The following DIP2C variants were observed in gnomAD, a reference collection of about 807,000 sequenced individuals.
DIP2C encodes DIP2 acetate--CoA ligase C (putative).
A neutral mutation model predicts 192.4 loss-of-function variants in DIP2C; 33 were observed. The observed-to-expected ratio is 0.17, with a 90% CI of 0.13 to 0.23. The LOEUF (loss-of-function observed/expected upper bound fraction) is 0.23, where lower values mean the gene tolerates loss of function less well. Ranked by LOEUF, DIP2C falls within the 10% of genes least tolerant of loss-of-function variation. DIP2C has a pLI of 1.00. For synonymous variants in DIP2C, 979 were observed against 864.1 expected, an observed-to-expected ratio of 1.13 and a Z score of -2.33; for missense variants, 1,537 against 2,110.1, an observed-to-expected ratio of 0.73 and a Z score of 5.32.
chr10:364,569 G>A lies in DIP2C; in HGVS notation c.2282C>T (p.Thr761Ile), dbSNP rs754610292. 6 of 1,613,726 alleles carry A rather than the reference G, an allele frequency of 3.7e-6. No homozygotes were observed. The Admixed American group carries it at 5.0e-5, about 13-fold the overall frequency. The stretch of plus-strand genomic sequence containing the variant: ...TTCACTGATCGGAGCCCCGGAGCTT[G>A]TCATGGGAAACACCTGGGGGAAACA... ...TKNTFEVFPM[T>I]SSGAPISEYP... The change falls in exon 20 of 37, where the codon ACA (threonine) becomes ATA (isoleucine). Residue 761 changes from threonine to isoleucine, a missense_variant. By Grantham distance (89) the Thr-to-Ile change is moderately conservative (BLOSUM62 -1). Coordinates refer to ENST00000280886, the MANE Select transcript of DIP2C (RefSeq NM_014974.3).
At chr10:295,496 G>A (rs1340715921) in intron 32 of DIP2C, among the ~76,000 whole-genome samples, 1 of 145,604 alleles carries the variant, frequency 6.9e-6, no homozygotes, top group Non-Finnish European at 1.5e-5. Flanking sequence ...GGGAGGCGGA[G>A]CTTGCAGTGA....
intron 1 of DIP2C, chr10:650,144 G>A (rs1231759404): frequency 1.4e-6 from 1 of 717,304 alleles, no homozygotes; most frequent in Non-Finnish European, 2.6e-6. Context: ...GGACCCCCCA[G>A]GAGAGAGAAG....
chr10:598,792 G>A (rs705484), intron 1 of DIP2C, among the ~76,000 whole-genome samples: 151,135 of 152,380 alleles, frequency 0.99, 74,967 homozygotes, highest in Middle Eastern at 1. Context: ...CATCTGAGCA[G>A]AAGGCCTGGC....
At chr10:477,658 G>C (rs1209045271) in intron 2 of DIP2C, among the ~76,000 whole-genome samples, 1 of 141,678 alleles carries the variant, frequency 7.1e-6, no homozygotes, top group Non-Finnish European at 1.6e-5. Flanking sequence ...AAAAATAGAT[G>C]AACAGGAAGT....
intron 2 of DIP2C, among the ~76,000 whole-genome samples, chr10:477,822 A>AGAGAAG (rs1222652232): frequency 8.0e-6 from 1 of 125,388 alleles, no homozygotes; most frequent in Non-Finnish European, 1.6e-5. Context: ...GGAAAACAAG[A>AGAGAAG]GAGAAGGAGA....
intron 3 of DIP2C, among the ~76,000 whole-genome samples, chr10:448,221 G>A (rs1297350389): frequency 3.7e-4 from 40 of 108,640 alleles, no homozygotes; most frequent in African/African-American, 6.1e-4. Context: ...ACTCATTCCC[G>A]TCAATAATCA....
intron 29 of DIP2C, among the ~76,000 whole-genome samples, chr10:339,694 A>C (rs1320699464): frequency 6.6e-6 from 1 of 152,222 alleles, no homozygotes; most frequent in East Asian, 1.9e-4. Flanking sequence ...TCCAAGAAAA[A>C]AAAATTTACT....
intron 2 of DIP2C, among the ~76,000 whole-genome samples, chr10:475,542 C>T (rs10751982): frequency 0.8 from 121,456 of 152,092 alleles, 53,410 homozygotes; most frequent in Non-Finnish European, 0.96. Context: ...GGCTGCTGCT[C>T]GGCTTCTCAC....
chr10:621,208 C>T (rs1019293872), intron 1 of DIP2C, among the ~76,000 whole-genome samples: 3 of 151,942 alleles, frequency 2.0e-5, no homozygotes, highest in Non-Finnish European at 2.9e-5. Flanking sequence ...TAAGCACACA[C>T]CCCCAGGTGT....
chr10:452,463 TAA>T (rs1461534936), intron 3 of DIP2C, among the ~76,000 whole-genome samples: 2 of 152,180 alleles, frequency 1.3e-5, no homozygotes, highest in African/African-American at 4.8e-5. Flanking sequence ...TATGAGTGAC[TAA>T]AGTGAGTCAG....
At chr10:295,707 T>A (rs1423911526) in intron 32 of DIP2C, among the ~76,000 whole-genome samples, 2 of 151,444 alleles carry the variant, frequency 1.3e-5, no homozygotes, top group Non-Finnish European at 2.9e-5. Context: ...GGTAGGAATG[T>A]AAACTAATAC....
chr10:348,266 G>T (rs529096081), intron 26 of DIP2C, among the ~76,000 whole-genome samples: 19 of 152,332 alleles, frequency 1.2e-4, no homozygotes, highest in Non-Finnish European at 2.1e-4. Flanking sequence ...TTTCAAAAAG[G>T]AGCAGGAAAC....
intron 7 of DIP2C, among the ~76,000 whole-genome samples, chr10:414,921 T>C (rs1427253130): frequency 8.3e-6 from 1 of 120,266 alleles, no homozygotes; most frequent in African/African-American, 3.2e-5. Flanking sequence ...TTTTTTTTTT[T>C]GGTAGAGACA....
At chr10:482,771 CTG>C (rs1211500412) in intron 2 of DIP2C, among the ~76,000 whole-genome samples, 1 of 152,208 alleles carries the variant, frequency 6.6e-6, no homozygotes, top group African/African-American at 2.4e-5. Flanking sequence ...CAAGTCGACA[CTG>C]TTATTAAGAT....
intron 3 of DIP2C, among the ~76,000 whole-genome samples, chr10:470,841 A>G (rs1970571405): frequency 6.6e-6 from 1 of 152,224 alleles, no homozygotes; most frequent in South Asian, 2.1e-4. Context: ...CATCTATAAA[A>G]TGGAAGATAG....
At chr10:468,492 G>A (rs142990921) in intron 3 of DIP2C, among the ~76,000 whole-genome samples, 1,776 of 152,284 alleles carry the variant, frequency 0.012, 31 homozygotes, top group African/African-American at 0.04. Context: ...CAGGTGCAGT[G>A]GCTCACACCT....
At chr10:393,011 A>G (rs1381417847) in intron 10 of DIP2C, among the ~76,000 whole-genome samples, 2 of 152,054 alleles carry the variant, frequency 1.3e-5, no homozygotes, top group African/African-American at 2.4e-5. Context: ...TCTGCCGGTG[A>G]CCCAAGGACG....
In DIP2C at chr10:277,242, T is replaced by C. The variant is rs1954563738; in HGVS notation, c.*83A>G. On this transcript the variant is annotated 3_prime_UTR_variant, in exon 37 of 37. Transcript: ENST00000280886. The stretch of plus-strand genomic sequence containing the variant: ...ACAAATGGCTGTATTCTGGTGAGTG[T>C]TGCCCTGTGTCTGCACGCTTCAGTG... 1.3e-5 allele frequency: 20 copies of C among 1,559,012 alleles called. No individual in the cohort carries two copies. The highest frequency in any genetic ancestry group is 1.7e-4 in the Middle Eastern group (1 of 5,892).
intron 3 of DIP2C, among the ~76,000 whole-genome samples, chr10:448,871 C>CT (rs1968586744): frequency 1.1e-5 from 1 of 88,522 alleles, no homozygotes; most frequent in Non-Finnish European, 2.1e-5. Flanking sequence ...TGCTCACTCC[C>CT]GTCGATACTC....
Sources: gnomAD v4.1 joint callset for allele counts (sites outside exome capture counted in the v4.1 genomes callset) on GRCh38, gnomAD v4.1.1 for gene constraint, MANE v1.5 for transcripts, NCBI Gene and HGNC (gene_info 2026-07-23, HGNC 2026-07-21) for gene names.